LRP6: variants seen among roughly 807,000 people sequenced by gnomAD.
LRP6 encodes LDL receptor related protein 6.
LRP6 carries 43 observed loss-of-function variants against 184.1 expected under a neutral mutation model. The ratio of observed to expected loss-of-function variants is 0.23; its 90% CI spans 0.18 to 0.30. The LOEUF is 0.30. LRP6 is among the 10% of genes least tolerant of loss of function. The probability of loss-of-function intolerance (pLI) is 1.00; values close to 1 mark genes in which losing one functional copy is unlikely to be tolerated. For missense variants in LRP6, 1,571 were observed against 2,005.3 expected, an observed-to-expected ratio of 0.78 and a Z score of 4.14; for synonymous variants, 719 against 684.9, an observed-to-expected ratio of 1.05 and a Z score of -0.78.
intron 2 of LRP6, among the ~76,000 whole-genome samples, chr12:12,216,034 T>C (rs1864335038): frequency 6.6e-6 from 1 of 152,100 alleles, no homozygotes; most frequent in Non-Finnish European, 1.5e-5. Context: ...AATAATGATC[T>C]ATTTGTGTGA....
Position 12,213,729 on chromosome 12 carries a change from C to T in LRP6, c.450-10329G>A, listed in dbSNP as rs147243247. ...CTAACGGTAAATTCTTCTAGTATGA[C>T]GTCCCTTCCCTCTTGATTCCCACTC... On this transcript the variant is annotated intron_variant, in intron 2 of 22. Transcript: ENST00000261349. Among the ~76,000 whole-genome samples the T allele has an allele frequency of 1.9e-4, 29 of 152,052 alleles. 1 individual carries two copies. In the East Asian group the frequency reaches 5.2e-3, roughly 27 times the overall value.
At chr12:12,205,250 G>A (rs372684046) in intron 2 of LRP6, among the ~76,000 whole-genome samples, 10 of 145,192 alleles carry the variant, frequency 6.9e-5, no homozygotes, top group African/African-American at 2.6e-4. Flanking sequence ...CCAGGAGGCG[G>A]ATGTTGCCTC....
chr12:12,212,382 T>C (rs544354325), intron 2 of LRP6, among the ~76,000 whole-genome samples: 3 of 152,360 alleles, frequency 2.0e-5, no homozygotes, highest in African/African-American at 7.2e-5. Flanking sequence ...TGCTTTTCTT[T>C]GAATGCACAA....
At chr12:12,171,826 C>T (rs926958966) in intron 7 of LRP6, among the ~76,000 whole-genome samples, 1 of 152,164 alleles carries the variant, frequency 6.6e-6, no homozygotes, top group Non-Finnish European at 1.5e-5. Context: ...CTTTTTCTAC[C>T]GGGCACAAGT....
chr12:12,203,112 T>G, intron 3 of LRP6, 91 bp downstream of exon 3: 1 of 907,890 alleles, frequency 1.1e-6, no homozygotes, highest in Non-Finnish European at 1.7e-6. Flanking sequence ...TAGTCAAAAA[T>G]AAACATATTT....
chr12:12,129,266 G>A (rs932173243), intron 19 of LRP6, among the ~76,000 whole-genome samples: 3 of 152,104 alleles, frequency 2.0e-5, no homozygotes, highest in Middle Eastern at 3.2e-3. Flanking sequence ...GCTTGACCAT[G>A]CTAGTCTTTT....
intron 12 of LRP6, among the ~76,000 whole-genome samples, chr12:12,158,185 C>G (rs1192587520): frequency 6.6e-6 from 1 of 152,158 alleles, no homozygotes; most frequent in African/African-American, 2.4e-5. Flanking sequence ...ACTCTTTGCA[C>G]TTCAAAGGAC....
intron 1 of LRP6, among the ~76,000 whole-genome samples, chr12:12,251,654 C>T (rs1045274443): frequency 1.2e-4 from 19 of 152,114 alleles, no homozygotes; most frequent in Non-Finnish European, 1.5e-4. Context: ...AGGCATGAGC[C>T]ACGGTGCCCC....
At chr12:12,246,756 C>A (rs1201627068) in intron 1 of LRP6, among the ~76,000 whole-genome samples, 2 of 152,020 alleles carry the variant, frequency 1.3e-5, no homozygotes, top group East Asian at 1.9e-4. Flanking sequence ...ACAACTGTGT[C>A]ATCTGAAGCC....
intron 4 of LRP6, among the ~76,000 whole-genome samples, chr12:12,185,661 G>A (rs941452465): frequency 1.3e-5 from 2 of 152,084 alleles, no homozygotes; most frequent in African/African-American, 2.4e-5. Context: ...GTCATAGCCC[G>A]AGTCATTGTA....
chr12:12,184,007 G>A lies in LRP6; in HGVS notation c.949C>T (p.Leu317=). The A allele has an allele frequency of 6.2e-7, 1 of 1,613,646 alleles. No individual in the cohort carries two copies. Among genetic ancestry groups the A allele is most frequent in the Non-Finnish European group, 8.5e-7 (1 of 1,179,640 alleles). The change falls in exon 5 of 23, where the codon CTG becomes TTG. Residue 317 remains leucine, a synonymous_variant. Transcript: ENST00000261349. The part of the protein sequence containing the change: ...QCACPTGVKL[L]ENGKTCKDGA... ...TCTTTGCAGGTTTTTCCATTCTCCA[G>A]GAGTTTGACCCCAGTGGGGCAAGCA...
rs1360345086 is a variant in LRP6, at chr12:12,165,078, C to G, written c.1762+1G>C. 1 of 1,609,874 alleles carries G rather than the reference C, an allele frequency of 6.2e-7. No homozygotes were observed. Among genetic ancestry groups the G allele is most frequent in the Non-Finnish European group, 8.5e-7 (1 of 1,176,260 alleles). On this transcript the variant is annotated splice_donor_variant, in intron 8 of 22. Transcript: ENST00000261349. LOFTEE classifies it high-confidence loss of function. ...TCTAAGAAAGCTTTGGAGTTACTCA[C>G]CAATCACTCGATGAACATTTGTAGC...
rs528545432 is a variant in LRP6 at position 12,209,078 on chromosome 12, G to A, written c.450-5678C>T. On this transcript the variant is annotated intron_variant, in intron 2 of 22. Coordinates refer to ENST00000261349, the MANE Select transcript of LRP6 (RefSeq NM_002336.3). ...CAATATCTACTAATCTATACTCTGCGCCGTGTGTGCAACATGCATTACTTG... is the reference window on the plus strand; with the variant it reads ...CAATATCTACTAATCTATACTCTGCACCGTGTGTGCAACATGCATTACTTG... Among the ~76,000 whole-genome samples, 8 of 152,246 alleles carry A rather than the reference G, an allele frequency of 5.3e-5. No individual in the cohort carries two copies. In the South Asian group the frequency reaches 6.2e-4, roughly 12 times the overall value.
At chr12:12,217,685 G>A (rs181478488) in intron 2 of LRP6, among the ~76,000 whole-genome samples, 2 of 152,240 alleles carry the variant, frequency 1.3e-5, no homozygotes, top group African/African-American at 4.8e-5. Context: ...CATAAGGACA[G>A]ACATCTAGAT....
intron 2 of LRP6, among the ~76,000 whole-genome samples, chr12:12,243,925 T>A (rs536705381): frequency 3.3e-5 from 5 of 151,752 alleles, no homozygotes; most frequent in Non-Finnish European, 5.9e-5. Context: ...TAACAAAAAA[T>A]TTTTTTTAGC....
rs568552303 is a variant in LRP6, at chr12:12,247,298, A to G, written c.56-2643T>C. Among the ~76,000 whole-genome samples, 3 of 152,340 alleles carry G rather than the reference A, an allele frequency of 2.0e-5. No individual in the cohort carries two copies. In the South Asian group the frequency reaches 6.2e-4, roughly 32 times the overall value. ...CTAATATTTACTGGGCACCTTCTTTATGGCACTATCTTGGAAAACTATATC... is the reference window on the plus strand; with the variant it reads ...CTAATATTTACTGGGCACCTTCTTTGTGGCACTATCTTGGAAAACTATATC... On this transcript the variant is annotated intron_variant, in intron 1 of 22. Transcript: ENST00000261349.
At chr12:12,195,067 T>C (rs546096290) in intron 3 of LRP6, among the ~76,000 whole-genome samples, 2 of 152,270 alleles carry the variant, frequency 1.3e-5, no homozygotes, top group South Asian at 2.1e-4. Flanking sequence ...TATTCCATTG[T>C]GTATATATAC....
At chr12:12,194,307 T>C (rs1414119987) in intron 3 of LRP6, among the ~76,000 whole-genome samples, 1 of 151,850 alleles carries the variant, frequency 6.6e-6, no homozygotes, top group Non-Finnish European at 1.5e-5. Flanking sequence ...AAAACAAACA[T>C]ATAGCTTAAC....
intron 2 of LRP6, among the ~76,000 whole-genome samples, chr12:12,211,834 C>T (rs753529634): frequency 2.6e-5 from 4 of 152,086 alleles, no homozygotes; most frequent in Non-Finnish European, 4.4e-5. Flanking sequence ...AACCTGAAAG[C>T]GGGTAACAGA....
Sources: allele counts gnomAD v4.1 joint callset (sites outside exome capture counted in the v4.1 genomes callset), GRCh38; gene constraint gnomAD v4.1.1; transcripts MANE v1.5; gene names NCBI Gene and HGNC (gene_info 2026-07-23, HGNC 2026-07-21).